PARD6B: variants seen among roughly 807,000 people sequenced by gnomAD.
PARD6B encodes partitioning defective 6 homolog beta.
Under a neutral mutation model 10.5 loss-of-function variants are expected in PARD6B, and 4 were observed. The observed-to-expected ratio is 0.38, with a 90% CI of 0.19 to 0.87. The LOEUF is 0.87. Ranked by LOEUF, PARD6B falls within the 40% of genes least tolerant of loss-of-function variation. The probability of loss-of-function intolerance (pLI) is 0.41; values close to 1 mark genes in which losing one functional copy is unlikely to be tolerated. For synonymous variants in PARD6B, 169 were observed against 170.4 expected (o/e 0.99, Z 0.07); for missense variants, 396 against 470.6 (o/e 0.84, Z 1.47).
At chr20:50,742,159 T>G (rs1237168246) in intron 2 of PARD6B, among the ~76,000 whole-genome samples, 1 of 152,124 alleles carries the variant, frequency 6.6e-6, no homozygotes, top group Non-Finnish European at 1.5e-5. Context: ...TTCTTGTGCC[T>G]CAGCTTCCAG....
intron 1 of PARD6B, among the ~76,000 whole-genome samples, chr20:50,733,749 T>C (rs764541651): frequency 2.2e-4 from 33 of 152,210 alleles, no homozygotes; most frequent in Admixed American, 7.2e-4. Context: ...AGAAAAACAC[T>C]TGTGATATTG....
chr20:50,735,451 T>C (rs1273905321), intron 1 of PARD6B, among the ~76,000 whole-genome samples: 1 of 152,194 alleles, frequency 6.6e-6, no homozygotes, highest in African/African-American at 2.4e-5. Flanking sequence ...GAAAATTAAG[T>C]TTGCATTTCT....
At position 50,734,059 on chromosome 20, in the gene PARD6B, A is replaced by T. The variant is rs568807736; in HGVS notation, c.66+2207A>T. ...GTCTTTTAAATAGAATCATACACTG[A>T]TTCTAGGAACATGTGCTGAATGAAG... On this transcript the variant is annotated intron_variant, in intron 1 of 2. Transcript: ENST00000371610. 4.6e-5 allele frequency among the ~76,000 whole-genome samples: 7 copies of T among 152,314 alleles called. No individual in the cohort carries two copies. In the South Asian group the frequency reaches 1.5e-3, roughly 32 times the overall value.
rs951713102 is a variant in PARD6B at position 50,731,690 on chromosome 20, G to T, written c.-97G>T. On this transcript the variant is annotated 5_prime_UTR_variant, in exon 1 of 3. Coordinates refer to ENST00000371610, the MANE Select transcript of PARD6B (RefSeq NM_032521.3). ...GTGCCTGTGAGGAGGCGCCCGGGCC[G>T]CAACCGCTTTCCGAGATCCCCAGTC... The T allele has an allele frequency of 1.7e-6, 2 of 1,176,592 alleles. No individual in the cohort carries two copies. The highest frequency in any genetic ancestry group is 2.2e-6 in the Non-Finnish European group (2 of 902,902). 72.9% of individuals were successfully genotyped at this position (1,176,592 alleles called of 1,614,324 possible).
At chr20:50,736,490 T>G (rs1418232856) in intron 1 of PARD6B, among the ~76,000 whole-genome samples, 6 of 152,224 alleles carry the variant, frequency 3.9e-5, no homozygotes, top group Non-Finnish European at 8.8e-5. Flanking sequence ...AGGGCTTAAA[T>G]GAGCCTTTAA....
At position 50,751,282 on chromosome 20, in the gene PARD6B, T is replaced by C. The variant is rs2087607218; in HGVS notation, c.*794T>C. ...GCCTATTTTGATTTTTGTTTTTTTA[T>C]GTTCCTTTCTAATAAATTGTAACAA... is the stretch of plus-strand genomic sequence containing the variant. On this transcript the variant is annotated 3_prime_UTR_variant, in exon 3 of 3. Transcript: ENST00000371610. 7 of 961,092 alleles carry C rather than the reference T, an allele frequency of 7.3e-6. No individual in the cohort carries two copies. In the South Asian group the frequency reaches 3.4e-4, roughly 46 times the overall value. The allele number at this position is 961,092 out of a possible 1,614,324, so 59.5% of individuals were successfully genotyped here.
rs1420580471 is a variant in PARD6B at position 50,750,827 on chromosome 20, G to C, written c.*339G>C. The C allele has an allele frequency of 9.6e-6, 10 of 1,037,356 alleles. No homozygotes were observed. The highest frequency in any genetic ancestry group is 9.3e-6 in the Non-Finnish European group (8 of 861,896). The allele number at this position is 1,037,356 out of a possible 1,614,324, so 64.3% of individuals were successfully genotyped here. A position where few individuals can be genotyped will look rare whatever the true frequency, so the allele number is the denominator to read the frequency against. ...GAAGTGGTTGCATATTTAACCTGCT[G>C]TGCAGAGCCCAGTTAATTTTTCCTT... On this transcript the variant is annotated 3_prime_UTR_variant, in exon 3 of 3. Transcript: ENST00000371610.
chr20:50,747,144 A>G (rs1386905790), intron 2 of PARD6B, among the ~76,000 whole-genome samples: 1 of 152,208 alleles, frequency 6.6e-6, no homozygotes. Context: ...AAAGAATACT[A>G]AAGCTCCCCA....
Position 50,753,073 on chromosome 20 carries a change from CTCTTTTT to C in PARD6B, c.*2587_*2593del. On this transcript the variant is annotated 3_prime_UTR_variant, in exon 3 of 3. Coordinates refer to ENST00000371610, the MANE Select transcript of PARD6B (RefSeq NM_032521.3). ...AAAAATATTTTTACACACTACCTCTCTCTTTTTTTTTTTAAAGTTTTAACATCAGAAC... is the reference window on the plus strand; with the variant it reads ...AAAAATATTTTTACACACTACCTCTCTTTTTTAAAGTTTTAACATCAGAAC... 4 of 966,362 alleles carry C rather than the reference CTCTTTTT, an allele frequency of 4.1e-6. No homozygotes were observed. The highest frequency in any genetic ancestry group is 3.7e-6 in the Non-Finnish European group (3 of 815,206). The allele number at this position is 966,362 out of a possible 1,614,324, so 59.9% of individuals were successfully genotyped here.
At chr20:50,748,687 C>T (rs925233459) in intron 2 of PARD6B, among the ~76,000 whole-genome samples, 12 of 152,246 alleles carry the variant, frequency 7.9e-5, no homozygotes, top group Middle Eastern at 3.4e-3. Context: ...CTACCTACCA[C>T]ACCTGGCTAA....
chr20:50,753,136 C>G lies in PARD6B; in HGVS notation c.*2648C>G. ...GGGGAAAAACTACTTCAGGGCTTGA[C>G]TTTTTGTACAAATTTTAACTGTAAA... On this transcript the variant is annotated 3_prime_UTR_variant, in exon 3 of 3. Coordinates refer to ENST00000371610, the MANE Select transcript of PARD6B (RefSeq NM_032521.3). The G allele has an allele frequency of 1.0e-6, 1 of 984,566 alleles. No individual in the cohort carries two copies. The highest frequency in any genetic ancestry group is 1.2e-6 in the Non-Finnish European group (1 of 829,248). 61.0% of individuals were successfully genotyped at this position (984,566 alleles called of 1,614,324 possible). A position where few individuals can be genotyped will look rare whatever the true frequency, so the allele number is the denominator to read the frequency against.
chr20:50,750,076 T>G lies in PARD6B; in HGVS notation c.707T>G (p.Ile236Ser). 1 of 1,614,202 alleles carries G rather than the reference T, an allele frequency of 6.2e-7. No homozygotes were observed. The highest frequency in any genetic ancestry group is 8.5e-7 in the Non-Finnish European group (1 of 1,180,042). ...KSLDQVTDMM[I>S]ANSRNLIITV... Reference sequence around the variant, plus strand: ...CTTGATCAAGTAACAGACATGATGATTGCAAATAGCCGTAACCTCATCATA... The same window carrying G: ...CTTGATCAAGTAACAGACATGATGAGTGCAAATAGCCGTAACCTCATCATA... Residue 236 changes from isoleucine (I) to serine (S), a missense_variant, in exon 3 of 3, where the codon ATT becomes AGT. Ile to Ser is a moderately radical substitution (Grantham distance 142, BLOSUM62 -2). Around this residue, in one of 2 missense-constraint regions of PARD6B, gnomAD observed 188 missense variants for 169.7 expected, o/e 1.11. Coordinates refer to ENST00000371610, the MANE Select transcript of PARD6B (RefSeq NM_032521.3).
At chr20:50,740,118 A>C (rs891763608) in intron 2 of PARD6B, among the ~76,000 whole-genome samples, 2 of 152,210 alleles carry the variant, frequency 1.3e-5, no homozygotes, top group African/African-American at 2.4e-5. Flanking sequence ...GGTAGACAAA[A>C]GTTCAGGGTA....
chr20:50,744,153 T>A (rs1008676867), intron 2 of PARD6B, among the ~76,000 whole-genome samples: 2 of 144,402 alleles, frequency 1.4e-5, no homozygotes, highest in African/African-American at 5.1e-5. Context: ...TCGCTCTTGT[T>A]GCCCAGGCTG....
Position 50,753,031 on chromosome 20 carries a change from G to A in PARD6B, c.*2543G>A, listed in dbSNP as rs2087622794. 7 of 980,980 alleles carry A rather than the reference G, an allele frequency of 7.1e-6. No individual in the cohort carries two copies. The highest frequency in any genetic ancestry group is 8.5e-6 in the Non-Finnish European group (7 of 826,404). 60.8% of individuals were successfully genotyped at this position (980,980 alleles called of 1,614,324 possible). A position where few individuals can be genotyped will look rare whatever the true frequency, so the allele number is the denominator to read the frequency against. ...TCATTTATAATATAAGTGGTGCAGG[G>A]GTTCAACATTTTAAGTAAAAATATT... On this transcript the variant is annotated 3_prime_UTR_variant, in exon 3 of 3. Transcript: ENST00000371610.
chr20:50,748,640 TCTCAG>T (rs2087582536), intron 2 of PARD6B, among the ~76,000 whole-genome samples: 1 of 152,068 alleles, frequency 6.6e-6, no homozygotes, highest in Non-Finnish European at 1.5e-5. Flanking sequence ...CATCCTCCCA[TCTCAG>T]CCTCCCAAGT....
chr20:50,744,962 G>A (rs1428796848), intron 2 of PARD6B, among the ~76,000 whole-genome samples: 1 of 152,120 alleles, frequency 6.6e-6, no homozygotes, highest in Non-Finnish European at 1.5e-5. Flanking sequence ...TAAGCACCAC[G>A]AAAGTAGACA....
chr20:50,736,975 G>A (rs2087502856), intron 1 of PARD6B, among the ~76,000 whole-genome samples: 1 of 152,204 alleles, frequency 6.6e-6, no homozygotes, highest in African/African-American at 2.4e-5. Context: ...TGGGATTACA[G>A]ATGTGAGCCA....
rs34049117 is a variant in PARD6B at position 50,753,075 on chromosome 20, C to CTCTTT, written c.*2588_*2589insCTTTT. On this transcript the variant is annotated 3_prime_UTR_variant, in exon 3 of 3. Coordinates refer to ENST00000371610, the MANE Select transcript of PARD6B (RefSeq NM_032521.3). ...AAATATTTTTACACACTACCTCTCT[C>CTCTTT]TTTTTTTTTTTAAAGTTTTAACATC... is the stretch of plus-strand genomic sequence containing the variant. 1 of 719,716 alleles carries CTCTTT rather than the reference C, an allele frequency of 1.4e-6. No individual in the cohort carries two copies. The highest frequency in any genetic ancestry group is 2.3e-5 in the African/African-American group (1 of 43,654). 44.6% of individuals were successfully genotyped at this position (719,716 alleles called of 1,614,324 possible).
Sources: gnomAD v4.1 joint callset for allele counts (sites outside exome capture counted in the v4.1 genomes callset) on GRCh38, gnomAD v4.1.1 for gene constraint, gnomAD v4.1.1 regional missense constraint, MANE v1.5 for transcripts, NCBI Gene and HGNC (gene_info 2026-07-23, HGNC 2026-07-21) for gene names.